The following FAM111B variants were observed in gnomAD, a reference collection of about 807,000 sequenced individuals.
The protein encoded by FAM111B is FAM111 trypsin like peptidase B.
FAM111B carries 1 observed loss-of-function variant against 2.8 expected under a neutral mutation model. The observed-to-expected ratio is 0.36, with a 90% CI of 0.13 to 1.70. The LOEUF is 1.70. Ranked by LOEUF, FAM111B falls within the 40% of genes most tolerant of loss-of-function variation. The pLI is 0.35. For synonymous variants in FAM111B, 297 were observed against 295.6 expected (o/e 1.00, Z -0.05); for missense variants, 882 against 878.9 (o/e 1.00, Z -0.04).
chr11:59,123,183 A>G (rs1427747185), intron 3 of FAM111B, among the ~76,000 whole-genome samples: 1 of 152,180 alleles, frequency 6.6e-6, no homozygotes, highest in African/African-American at 2.4e-5. Flanking sequence ...AACAGAAACT[A>G]AACAGATTTT....
Position 59,126,775 on chromosome 11 carries a change from G to GCAAC in FAM111B, c.*474_*475insAACC, listed in dbSNP as rs1860044283. The stretch of plus-strand genomic sequence containing the variant: ...GGCGAGGTTGCAGAGAAAGGGGAAT[G>GCAAC]CTTATACACTGCTAGTGGGAAAATA... On this transcript the variant is annotated 3_prime_UTR_variant, in exon 4 of 4. Transcript: ENST00000343597. 6.3e-6 allele frequency: 1 copy of GCAAC among 158,230 alleles called. No homozygotes were observed. Among genetic ancestry groups the GCAAC allele is most frequent in the African/African-American group, 2.4e-5 (1 of 41,454 alleles). The allele number at this position is 158,230 out of a possible 1,614,324, so 9.8% of individuals were successfully genotyped here.
intron 3 of FAM111B, among the ~76,000 whole-genome samples, chr11:59,121,429 T>A (rs2135401848): frequency 6.6e-6 from 1 of 152,286 alleles, no homozygotes; most frequent in Admixed American, 6.5e-5. Context: ...TGGTAAACAT[T>A]AAAATATGGA....
intron 3 of FAM111B, among the ~76,000 whole-genome samples, chr11:59,120,616 T>C (rs931485115): frequency 3.3e-5 from 5 of 152,186 alleles, no homozygotes; most frequent in Non-Finnish European, 7.3e-5. Context: ...AAAGATCTGT[T>C]CCAGGACTCT....
At position 59,126,467 on chromosome 11, in the gene FAM111B, C is replaced by T. The variant is rs753437048; in HGVS notation, c.*165C>T. The T allele has an allele frequency of 8.4e-5, 43 of 509,524 alleles. No homozygotes were observed. Among genetic ancestry groups the T allele is most frequent in the African/African-American group, 2.0e-4 (10 of 50,520 alleles). The allele number at this position is 509,524 out of a possible 1,614,324, so 31.6% of individuals were successfully genotyped here. ...ATCAACAGGGTAAACACACAACCTA[C>T]GGAATGGGAGAAAATATTTGCAAAC... is the stretch of plus-strand genomic sequence containing the variant. On this transcript the variant is annotated 3_prime_UTR_variant, in exon 4 of 4. Coordinates refer to ENST00000343597, the MANE Select transcript of FAM111B (RefSeq NM_198947.4).
At position 59,125,356 on chromosome 11, in the gene FAM111B, A is replaced by G. The variant is rs1309281371; in HGVS notation, c.1259A>G (p.Gln420Arg). 1 of 1,613,990 alleles carries G rather than the reference A, an allele frequency of 6.2e-7. No individual in the cohort carries two copies. Among genetic ancestry groups the G allele is most frequent in the African/African-American group, 1.3e-5 (1 of 75,052 alleles). ...QWVRKYFREE[Q>R]KRMNLSPAKQ... ...GTAAGAAAATATTTTCGGGAAGAAC[A>G]AAAGAGAATGAATCTTTCACCAGCT... is the stretch of plus-strand genomic sequence containing the variant. The change falls in exon 4 of 4, where the codon CAA (glutamine) becomes CGA (arginine). Residue 420 changes from glutamine (Q) to arginine (R), a missense_variant. By Grantham distance (43) the Gln-to-Arg change is conservative (BLOSUM62 1). Transcript: ENST00000343597.
chr11:59,112,097 A>C (rs1000138597), intron 3 of FAM111B, among the ~76,000 whole-genome samples: 13 of 152,342 alleles, frequency 8.5e-5, no homozygotes, highest in African/African-American at 2.9e-4. Flanking sequence ...GAAGCAAAGC[A>C]GTTCCATCAC....
In FAM111B at chr11:59,126,421, T is replaced by C. The variant is rs1477797246; in HGVS notation, c.*119T>C. 6.7e-6 allele frequency: 5 copies of C among 749,986 alleles called. No individual in the cohort carries two copies. Among genetic ancestry groups the C allele is most frequent in the Non-Finnish European group, 1.0e-5 (5 of 490,530 alleles). 46.5% of individuals were successfully genotyped at this position (749,986 alleles called of 1,614,324 possible). A position where few individuals can be genotyped will look rare whatever the true frequency, so the allele number is the denominator to read the frequency against. ...TTGGCAAATGAGACCTAATTAAATC[T>C]TCTGCACAGCAAAAGAAACTATCAA... is the stretch of plus-strand genomic sequence containing the variant. On this transcript the variant is annotated 3_prime_UTR_variant, in exon 4 of 4. Coordinates refer to ENST00000343597, the MANE Select transcript of FAM111B (RefSeq NM_198947.4).
rs185144922 is a variant in FAM111B, at chr11:59,125,396, A to G, written c.1299A>G (p.Ile433Met). ...TTTCACCAGCTAAGCAATTCAACATATATAAAAAGGACTTCGGAAAAATGA... is the reference window on the plus strand; with the variant it reads ...TTTCACCAGCTAAGCAATTCAACATGTATAAAAAGGACTTCGGAAAAATGA... ...MNLSPAKQFN[I>M]YKKDFGKMTA... The change falls in exon 4 of 4, where the codon ATA (isoleucine) becomes ATG (methionine). Residue 433 changes from isoleucine (I) to methionine (M), a missense_variant. Transcript: ENST00000343597. 3 of 1,613,970 alleles carry G rather than the reference A, an allele frequency of 1.9e-6. No individual in the cohort carries two copies. Among genetic ancestry groups the G allele is most frequent in the East Asian group, 2.2e-5 (1 of 44,882 alleles).
chr11:59,109,614 T>C lies in FAM111B; in HGVS notation c.-12T>C. The C allele has an allele frequency of 6.3e-7, 1 of 1,589,436 alleles. No homozygotes were observed. The highest frequency in any genetic ancestry group is 1.1e-5 in the South Asian group (1 of 89,326). On this transcript the variant is annotated 5_prime_UTR_variant, in exon 3 of 4. Transcript: ENST00000343597. The stretch of plus-strand genomic sequence containing the variant: ...AGTAGTAGAAGTTAGTTACATTCTC[T>C]TTGAACTCATCATGAATTCCATGAA...
chr11:59,113,154 A>T (rs1859785458), intron 3 of FAM111B, among the ~76,000 whole-genome samples: 1 of 151,932 alleles, frequency 6.6e-6, no homozygotes, highest in South Asian at 2.1e-4. Context: ...AGTTTTATTT[A>T]TTTTTTGTAT....
At chr11:59,122,693 G>A (rs935973653) in intron 3 of FAM111B, among the ~76,000 whole-genome samples, 1 of 152,158 alleles carries the variant, frequency 6.6e-6, no homozygotes, top group Non-Finnish European at 1.5e-5. Context: ...ATATCCAAGA[G>A]TAGATGTCAA....
At chr11:59,111,085 T>G (rs1380911070) in intron 3 of FAM111B, among the ~76,000 whole-genome samples, 1 of 152,214 alleles carries the variant, frequency 6.6e-6, no homozygotes, top group East Asian at 1.9e-4. Flanking sequence ...GTTCTGCTTT[T>G]CATGTTATCC....
At chr11:59,124,105 G>T (rs1859966187) in intron 3 of FAM111B, 74 bp from the exon 4 acceptor site, 2 of 1,031,738 alleles carry the variant, frequency 1.9e-6, no homozygotes, top group South Asian at 3.8e-5. Flanking sequence ...ATATCTATTA[G>T]TTCTATCATT....
chr11:59,116,780 C>T (rs943385602), intron 3 of FAM111B, among the ~76,000 whole-genome samples: 1 of 152,208 alleles, frequency 6.6e-6, no homozygotes, highest in African/African-American at 2.4e-5. Context: ...GGTTAGGGCT[C>T]AGCAATCTTT....
In FAM111B at chr11:59,126,432, A is replaced by C. The variant is rs960809885; in HGVS notation, c.*130A>C. The C allele has an allele frequency of 1.5e-5, 10 of 670,634 alleles. No homozygotes were observed. Among genetic ancestry groups the C allele is most frequent in the Non-Finnish European group, 1.9e-5 (8 of 425,674 alleles). 41.5% of individuals were successfully genotyped at this position (670,634 alleles called of 1,614,324 possible). A position where few individuals can be genotyped will look rare whatever the true frequency, so the allele number is the denominator to read the frequency against. On this transcript the variant is annotated 3_prime_UTR_variant, in exon 4 of 4. Transcript: ENST00000343597. ...GACCTAATTAAATCTTCTGCACAGC[A>C]AAAGAAACTATCAACAGGGTAAACA... is the stretch of plus-strand genomic sequence containing the variant.
intron 3 of FAM111B, among the ~76,000 whole-genome samples, chr11:59,114,800 G>A (rs1247673005): frequency 2.0e-5 from 3 of 152,092 alleles, no homozygotes; most frequent in Non-Finnish European, 4.4e-5. Context: ...AAAATAAATT[G>A]TGTGTGTTTG....
intron 3 of FAM111B, among the ~76,000 whole-genome samples, chr11:59,122,835 A>G (rs1016853011): frequency 2.6e-5 from 4 of 152,166 alleles, no homozygotes; most frequent in Admixed American, 1.3e-4. Flanking sequence ...CACTATTCCT[A>G]AGACCTAAGC....
chr11:59,124,704 G>T lies in FAM111B; in HGVS notation c.607G>T (p.Glu203Ter), dbSNP rs768795479. The T allele has an allele frequency of 6.2e-7, 1 of 1,613,332 alleles. No individual in the cohort carries two copies. The highest frequency in any genetic ancestry group is 2.2e-5 in the East Asian group (1 of 44,870). ...RTRKKIVKIN[E>*]LHEKGSKLCI... Reference sequence around the variant, plus strand: ...AAGAAAGAAGATTGTTAAGATCAACGAACTTCATGAAAAAGGAAGTAAACT... The same window carrying T: ...AAGAAAGAAGATTGTTAAGATCAACTAACTTCATGAAAAAGGAAGTAAACT... Residue 203 changes from glutamate to a stop codon, truncating the protein, a stop_gained, in exon 4 of 4, where the codon GAA (glutamate) becomes TAA (stop). Coordinates refer to ENST00000343597, the MANE Select transcript of FAM111B (RefSeq NM_198947.4). LOFTEE classifies it low-confidence loss of function (END_TRUNC).
rs1210038256 is a variant in FAM111B, at chr11:59,127,070, G to C, written c.*768G>C. On this transcript the variant is annotated 3_prime_UTR_variant, in exon 4 of 4. Transcript: ENST00000343597. ...ACTACACAGCCATAAAAAAGTACAA[G>C]ATCATGTGCTTTGCAGCAACATGGA... The C allele has an allele frequency of 6.6e-6, 1 of 152,164 alleles. No homozygotes were observed. Among genetic ancestry groups the C allele is most frequent in the East Asian group, 1.9e-4 (1 of 5,198 alleles). 9.4% of individuals were successfully genotyped at this position (152,164 alleles called of 1,614,324 possible).
Sources: allele counts gnomAD v4.1 joint callset (sites outside exome capture counted in the v4.1 genomes callset), GRCh38; gene constraint gnomAD v4.1.1; transcripts MANE v1.5; gene names NCBI Gene and HGNC (gene_info 2026-07-23, HGNC 2026-07-21).